Variants in CADM2 observed in about 807,000 individuals in gnomAD.
The protein encoded by CADM2 is immunoglobulin superfamily member 4D.
In CADM2, 12 loss-of-function variants were observed where a neutral mutation model predicts 49.8. The ratio of observed to expected loss-of-function variants is 0.24; its 90% CI spans 0.15 to 0.39. The LOEUF (loss-of-function observed/expected upper bound fraction) is 0.39. Among genes scored for constraint, CADM2 ranks in the 10% least tolerant of loss-of-function variants. The pLI is 1.00. For synonymous variants in CADM2, 214 were observed against 175.4 expected, an observed-to-expected ratio of 1.22 and a Z score of -1.74; for missense variants, 378 against 492.3, an observed-to-expected ratio of 0.77 and a Z score of 2.20.
chr3:85,338,688 T>C (rs1168958692), intron 1 of CADM2, among the ~76,000 whole-genome samples: 1 of 151,494 alleles, frequency 6.6e-6, no homozygotes, highest in African/African-American at 2.4e-5. Flanking sequence ...TGACAAAATT[T>C]GAACAAAAAC....
intron 1 of CADM2, among the ~76,000 whole-genome samples, chr3:85,084,837 A>AT (rs1475232163): frequency 1.3e-5 from 2 of 151,804 alleles, no homozygotes; most frequent in South Asian, 2.1e-4. Flanking sequence ...GTTGCTCTTG[A>AT]TTTTTTCTTT....
At chr3:85,347,815 T>A (rs9830051) in intron 1 of CADM2, among the ~76,000 whole-genome samples, 2 of 145,852 alleles carry the variant, frequency 1.4e-5, no homozygotes, top group African/African-American at 5.1e-5. Context: ...CAGTTTTTTG[T>A]TTTTTTTTTT....
At chr3:85,151,984 T>C (rs2039936618) in intron 1 of CADM2, among the ~76,000 whole-genome samples, 1 of 152,198 alleles carries the variant, frequency 6.6e-6, no homozygotes, top group South Asian at 2.1e-4. Context: ...AAAGGTTATT[T>C]TTTTATTTCA....
At chr3:85,102,222 G>GA (rs2038041330) in intron 1 of CADM2, among the ~76,000 whole-genome samples, 1 of 152,012 alleles carries the variant, frequency 6.6e-6, no homozygotes, top group African/African-American at 2.4e-5. Flanking sequence ...ACAATACTGT[G>GA]ACATTTCCGT....
chr3:85,276,340 G>A (rs757953872), intron 1 of CADM2, among the ~76,000 whole-genome samples: 7 of 151,234 alleles, frequency 4.6e-5, no homozygotes, highest in African/African-American at 1.5e-4. Context: ...GTACTTTGAC[G>A]TAATAAAAAA....
At chr3:85,386,154 T>G (rs1457300251) in intron 1 of CADM2, among the ~76,000 whole-genome samples, 1 of 152,168 alleles carries the variant, frequency 6.6e-6, no homozygotes, top group Non-Finnish European at 1.5e-5. Context: ...ACCACAGGCC[T>G]CTGGAGGTTT....
At chr3:85,781,672 C>A (rs960815470) in intron 2 of CADM2, among the ~76,000 whole-genome samples, 2 of 152,112 alleles carry the variant, frequency 1.3e-5, no homozygotes, top group African/African-American at 4.8e-5. Context: ...CTTTGTTTAA[C>A]CAAAGACTGT....
chr3:85,773,290 T>C (rs1308716250), intron 2 of CADM2, among the ~76,000 whole-genome samples: 1 of 152,072 alleles, frequency 6.6e-6, no homozygotes, highest in Non-Finnish European at 1.5e-5. Flanking sequence ...TACGTTCCTT[T>C]GTCATTTAGC....
intron 8 of CADM2, among the ~76,000 whole-genome samples, chr3:86,043,410 A>C (rs1325640399): frequency 6.6e-6 from 1 of 152,232 alleles, no homozygotes; most frequent in Non-Finnish European, 1.5e-5. Flanking sequence ...ATGTGCAAAA[A>C]TCACAAGCAT....
At chr3:85,349,143 A>G (rs9309975) in intron 1 of CADM2, among the ~76,000 whole-genome samples, 142,004 of 152,212 alleles carry the variant, frequency 0.93, 66,509 homozygotes, top group Non-Finnish European at 0.97. Flanking sequence ...GCCATCTTTT[A>G]TCTCCTATTC....
At chr3:85,154,539 C>T (rs2040040485) in intron 1 of CADM2, among the ~76,000 whole-genome samples, 1 of 151,948 alleles carries the variant, frequency 6.6e-6, no homozygotes, top group African/African-American at 2.4e-5. Context: ...GTGAGAACTT[C>T]CCCAATCTAG....
At chr3:84,977,152 T>G (rs2031871234) in intron 1 of CADM2, among the ~76,000 whole-genome samples, 1 of 151,986 alleles carries the variant, frequency 6.6e-6, no homozygotes, top group Non-Finnish European at 1.5e-5. Context: ...ATATATTTCT[T>G]TATTATACTG....
chr3:84,967,402 T>C (rs1393847365), intron 1 of CADM2, among the ~76,000 whole-genome samples: 2 of 152,188 alleles, frequency 1.3e-5, no homozygotes, highest in Admixed American at 1.3e-4. Context: ...ATGACATTCA[T>C]AACTTCCGTT....
At position 85,622,024 on chromosome 3, in the gene CADM2, G is replaced by A. The variant is rs533269963; in HGVS notation, c.62-104498G>A. Reference sequence around the variant, plus strand: ...TTTTAAAATTGGCAGATGAAAATGTGTATACACAAAAACTGTAAGCTTAGA... The same window carrying A: ...TTTTAAAATTGGCAGATGAAAATGTATATACACAAAAACTGTAAGCTTAGA... On this transcript the variant is annotated intron_variant, in intron 1 of 9. Transcript: ENST00000383699. Among the ~76,000 whole-genome samples, 4 of 152,282 alleles carry A rather than the reference G, an allele frequency of 2.6e-5. No individual in the cohort carries two copies. The South Asian group carries it at 6.2e-4, about 24-fold the overall frequency.
At chr3:85,160,937 A>C (rs1200554378) in intron 1 of CADM2, among the ~76,000 whole-genome samples, 1 of 152,196 alleles carries the variant, frequency 6.6e-6, no homozygotes, top group Non-Finnish European at 1.5e-5. Context: ...CTTATCAGCC[A>C]GTTTTCTTTT....
intron 1 of CADM2, among the ~76,000 whole-genome samples, chr3:85,354,916 G>T (rs868557314): frequency 1.1e-4 from 17 of 152,026 alleles, no homozygotes; most frequent in Admixed American, 2.6e-4. Flanking sequence ...TATGGGAGGT[G>T]GGACATGTGC....
At chr3:85,435,099 C>T (rs1234343143) in intron 1 of CADM2, among the ~76,000 whole-genome samples, 2 of 151,968 alleles carry the variant, frequency 1.3e-5, no homozygotes, top group Non-Finnish European at 2.9e-5. Context: ...ATACATGTGC[C>T]ATGGTGATCT....
At chr3:85,773,570 T>A (rs1210797944) in intron 2 of CADM2, among the ~76,000 whole-genome samples, 1 of 152,236 alleles carries the variant, frequency 6.6e-6, no homozygotes, top group South Asian at 2.1e-4. Context: ...TAAGCATTTG[T>A]ATGATTACTT....
At chr3:85,666,570 A>G (rs929357832) in intron 1 of CADM2, among the ~76,000 whole-genome samples, 8 of 152,044 alleles carry the variant, frequency 5.3e-5, no homozygotes, top group Admixed American at 3.3e-4. Context: ...ACCTCCCCAA[A>G]CCAGGAAAAA....
Sources: gnomAD v4.1 joint callset for allele counts (sites outside exome capture counted in the v4.1 genomes callset) on GRCh38, gnomAD v4.1.1 for gene constraint, MANE v1.5 for transcripts, NCBI Gene and HGNC (gene_info 2026-07-23, HGNC 2026-07-21) for gene names.